The following CKAP2L variants were observed in gnomAD, a reference collection of about 807,000 sequenced individuals.
CKAP2L encodes the protein cytoskeleton-associated protein 2-like.
Under a neutral mutation model 65.7 loss-of-function variants are expected in CKAP2L, and 42 were observed. The ratio of observed to expected loss-of-function variants is 0.64; its 90% CI spans 0.50 to 0.83. The LOEUF is 0.83. CKAP2L is among the 40% of genes least tolerant of loss of function. The pLI is 0.00. For missense variants in CKAP2L, 908 were observed against 871.0 expected, an observed-to-expected ratio of 1.04 and a Z score of -0.53; for synonymous variants, 325 against 313.5, an observed-to-expected ratio of 1.04 and a Z score of -0.39.
rs370676547 is a variant in CKAP2L, at chr2:112,757,193, C to T, written c.178G>A (p.Val60Ile). 7.6e-5 allele frequency: 122 copies of T among 1,606,976 alleles called. No homozygotes were observed. The highest frequency in any genetic ancestry group is 9.8e-5 in the Non-Finnish European group (115 of 1,176,418). ...ACAGGCAAAACAACATGGTTGGTAA[C>T]ATCATTTTTGGGTCTAATAGTCTGA... is the stretch of plus-strand genomic sequence containing the variant. ...SKSTIRPKNDVTNHVVLPVKP... is the reference protein window; with the variant it reads ...SKSTIRPKNDITNHVVLPVKP... Residue 60 changes from valine to isoleucine, a missense_variant, in exon 4 of 9, where the codon GTT (valine) becomes ATT (isoleucine). By Grantham distance (29) the Val-to-Ile change is conservative. Transcript: ENST00000302450.
chr2:112,756,224 C>A lies in CKAP2L; in HGVS notation c.1147G>T (p.Val383Phe). The change falls in exon 4 of 9, where the codon GTT becomes TTT. Residue 383 changes from valine to phenylalanine, a missense_variant. Physicochemically the swap from Val to Phe is conservative, Grantham distance 50. Transcript: ENST00000302450. ...KAISQRPNLT[V>F]GRFNSAIPST... is the part of the protein sequence containing the mutation. Reference sequence around the variant, plus strand: ...GGAATGGCTGAATTAAATCTGCCAACTGTCAAATTAGGCCTCTGGCTTATG... The same window carrying A: ...GGAATGGCTGAATTAAATCTGCCAAATGTCAAATTAGGCCTCTGGCTTATG... 1 of 1,614,184 alleles carries A rather than the reference C, an allele frequency of 6.2e-7. No individual in the cohort carries two copies. The highest frequency in any genetic ancestry group is 8.5e-7 in the Non-Finnish European group (1 of 1,180,016).
intron 4 of CKAP2L, among the ~76,000 whole-genome samples, chr2:112,755,104 T>G (rs1680489828): frequency 6.6e-6 from 1 of 152,298 alleles, no homozygotes; most frequent in African/African-American, 2.4e-5. Flanking sequence ...ACCATCTAAT[T>G]TTACATGCTC....
intron 4 of CKAP2L, among the ~76,000 whole-genome samples, chr2:112,754,180 C>CT (rs1329529425): frequency 1.3e-5 from 2 of 152,204 alleles, no homozygotes; most frequent in Non-Finnish European, 2.9e-5. Flanking sequence ...CCTCATGCTC[C>CT]TTGGTAGTCA....
chr2:112,754,735 AAC>A (rs1404889962), intron 4 of CKAP2L, among the ~76,000 whole-genome samples: 1 of 152,142 alleles, frequency 6.6e-6, no homozygotes, highest in Non-Finnish European at 1.5e-5. Flanking sequence ...TTCAACCTGC[AAC>A]ACAGTCTTAT....
In CKAP2L at chr2:112,740,918, AAAGAC is replaced by A. The variant is rs1328760887; in HGVS notation, c.1907_1911del (p.Cys636PhefsTer21). ...GTGACTTGTTCCCTCTCTTTTGGAG[AAAGAC>A]AAGACTTCACAGATTCCATCTTCTT... On this transcript the variant is annotated frameshift_variant, in exon 8 of 9. Transcript: ENST00000302450. LOFTEE classifies it high-confidence loss of function. The A allele has an allele frequency of 5.6e-6, 9 of 1,613,966 alleles. No homozygotes were observed. The highest frequency in any genetic ancestry group is 6.8e-6 in the Non-Finnish European group (8 of 1,179,928).
At chr2:112,751,120 G>T (rs1175208691) in intron 5 of CKAP2L, among the ~76,000 whole-genome samples, 1 of 152,118 alleles carries the variant, frequency 6.6e-6, no homozygotes, top group Non-Finnish European at 1.5e-5. Context: ...CGGTCCAGAT[G>T]ATTTTTATGG....
chr2:112,761,029 C>G (rs1181845780), intron 2 of CKAP2L, among the ~76,000 whole-genome samples: 1 of 151,824 alleles, frequency 6.6e-6, no homozygotes, highest in Non-Finnish European at 1.5e-5. Context: ...ATAAATCTAG[C>G]ATTCTCACAA....
chr2:112,759,085 T>C (rs753173810), intron 3 of CKAP2L, among the ~76,000 whole-genome samples: 9 of 152,214 alleles, frequency 5.9e-5, no homozygotes, highest in Non-Finnish European at 8.8e-5. Context: ...CAGTACTTCA[T>C]TACTTTTTAA....
intron 1 of CKAP2L, 136 bp downstream of exon 1, chr2:112,764,426 G>GA: frequency 1.0e-6 from 1 of 968,226 alleles, no homozygotes; most frequent in Non-Finnish European, 1.6e-6. Flanking sequence ...GCGCTCCCGG[G>GA]ATGGAAAACG....
At chr2:112,746,359 C>A (rs1341478620) in intron 6 of CKAP2L, 61 bp downstream of exon 6, 3 of 1,411,144 alleles carry the variant, frequency 2.1e-6, no homozygotes, top group Non-Finnish European at 2.9e-6. Flanking sequence ...TTACAAACAA[C>A]AACAGAGAAC....
In CKAP2L at chr2:112,736,496, CTTAT is replaced by C. The variant is rs761105130; in HGVS notation, c.*2323_*2326del. 3.3e-5 allele frequency: 5 copies of C among 152,264 alleles called. No homozygotes were observed. The highest frequency in any genetic ancestry group is 7.2e-5 in the African/African-American group (3 of 41,538). 9.4% of individuals were successfully genotyped at this position (152,264 alleles called of 1,614,324 possible). ...TTGTGATAATAGCAGCTAAAATCTACTTATTTAACAAAAATCCCTAATACAATTG... is the reference window on the plus strand; with the variant it reads ...TTGTGATAATAGCAGCTAAAATCTACTTAACAAAAATCCCTAATACAATTG... On this transcript the variant is annotated 3_prime_UTR_variant, in exon 9 of 9. Coordinates refer to ENST00000302450, the MANE Select transcript of CKAP2L (RefSeq NM_152515.5).
intron 4 of CKAP2L, among the ~76,000 whole-genome samples, chr2:112,753,245 T>G (rs1389483480): frequency 6.6e-6 from 1 of 152,226 alleles, no homozygotes; most frequent in Non-Finnish European, 1.5e-5. Context: ...TTGATATCTT[T>G]TGATGTCTGA....
At chr2:112,753,211 A>G (rs932247147) in intron 4 of CKAP2L, among the ~76,000 whole-genome samples, 1 of 152,182 alleles carries the variant, frequency 6.6e-6, no homozygotes, top group African/African-American at 2.4e-5. Context: ...TGGATCCCCA[A>G]ACTTTGTAAA....
rs1402259005 is a variant in CKAP2L, at chr2:112,764,111, G to C, written c.37+451C>G. 2.5e-5 allele frequency: 5 copies of C among 203,116 alleles called. No homozygotes were observed. In the Admixed American group the frequency reaches 2.8e-4, roughly 11 times the overall value. 12.6% of individuals were successfully genotyped at this position (203,116 alleles called of 1,614,324 possible). A position where few individuals can be genotyped will look rare whatever the true frequency, so the allele number is the denominator to read the frequency against. On this transcript the variant is annotated intron_variant, in intron 1 of 8. Transcript: ENST00000302450. The stretch of plus-strand genomic sequence containing the variant: ...TCAACTTCTAACCACCGCAGGCTGA[G>C]AGGTGTGGAGTGAGAGCCCCGCCAG...
chr2:112,741,768 CT>C (rs964437949), intron 7 of CKAP2L, among the ~76,000 whole-genome samples: 6 of 150,914 alleles, frequency 4.0e-5, no homozygotes, highest in Admixed American at 3.3e-4. Context: ...TAAATCTACT[CT>C]TTTTTTTTGA....
intron 3 of CKAP2L, among the ~76,000 whole-genome samples, chr2:112,758,531 A>G (rs1470411597): frequency 2.0e-5 from 3 of 152,164 alleles, no homozygotes; most frequent in Non-Finnish European, 2.9e-5. Flanking sequence ...TGTTACTAGG[A>G]GTGAAACAGC....
intron 5 of CKAP2L, among the ~76,000 whole-genome samples, chr2:112,747,164 C>T (rs1457820075): frequency 6.6e-6 from 1 of 151,626 alleles, no homozygotes; most frequent in Non-Finnish European, 1.5e-5. Flanking sequence ...GATCACAACT[C>T]GCTGCAACCT....
Position 112,740,882 on chromosome 2 carries a change from G to C in CKAP2L, c.1948C>G (p.Arg650Gly), listed in dbSNP as rs146748331. 6.2e-7 allele frequency: 1 copy of C among 1,613,896 alleles called. No homozygotes were observed. The highest frequency in any genetic ancestry group is 8.5e-7 in the Non-Finnish European group (1 of 1,179,882). ...KEREQVTATP[R>G]IAKAEQHNYP... is the part of the protein sequence containing the mutation. Reference sequence around the variant, plus strand: ...TTATGCTGTTCTGCCTTGGCTATTCGGGGTGTCGCCGTGACTTGTTCCCTC... The same window carrying C: ...TTATGCTGTTCTGCCTTGGCTATTCCGGGTGTCGCCGTGACTTGTTCCCTC... Residue 650 changes from arginine to glycine, a missense_variant, in exon 8 of 9, where the codon CGA becomes GGA. By Grantham distance (125) the Arg-to-Gly change is moderately radical. Coordinates refer to ENST00000302450, the MANE Select transcript of CKAP2L (RefSeq NM_152515.5).
chr2:112,740,848 C>T lies in CKAP2L; in HGVS notation c.1982G>A (p.Gly661Asp). 2.5e-6 allele frequency: 4 copies of T among 1,611,792 alleles called. No individual in the cohort carries two copies. The highest frequency in any genetic ancestry group is 2.5e-6 in the Non-Finnish European group (3 of 1,178,200). Reference protein sequence around the residue: ...IAKAEQHNYPGIKLQIGPIPR... With the variant: ...IAKAEQHNYPDIKLQIGPIPR... Reference sequence around the variant, plus strand: ...GATTGGACCAATCTGTAATTTGATACCAGGATAATTATGCTGTTCTGCCTT... The same window carrying T: ...GATTGGACCAATCTGTAATTTGATATCAGGATAATTATGCTGTTCTGCCTT... The change falls in exon 8 of 9, where the codon GGT becomes GAT. Residue 661 changes from glycine (G) to aspartate (D), a missense_variant. Gly to Asp is a moderately conservative substitution (Grantham distance 94). Coordinates refer to ENST00000302450, the MANE Select transcript of CKAP2L (RefSeq NM_152515.5).
Sources: gnomAD v4.1 joint callset for allele counts (sites outside exome capture counted in the v4.1 genomes callset) on GRCh38, gnomAD v4.1.1 for gene constraint, MANE v1.5 for transcripts, NCBI Gene and HGNC (gene_info 2026-07-23, HGNC 2026-07-21) for gene names.